The following FBXO34 variants were observed in gnomAD, a reference collection of about 807,000 sequenced individuals.
FBXO34 encodes the protein F-box protein 34, also known as F-box only protein 34.
Under a neutral mutation model 24.5 loss-of-function variants are expected in FBXO34, and 12 were observed. The ratio of observed to expected loss-of-function variants is 0.49; its 90% CI spans 0.31 to 0.79. The LOEUF (loss-of-function observed/expected upper bound fraction) is 0.79. Ranked by LOEUF, FBXO34 falls within the 30% of genes least tolerant of loss-of-function variation. The pLI is 0.04. For synonymous variants in FBXO34, 320 were observed against 311.9 expected (o/e 1.03, Z -0.27); for missense variants, 823 against 857.7 (o/e 0.96, Z 0.51).
chr14:55,373,586 A>C (rs1399711797), downstream of FBXO34, among the ~76,000 whole-genome samples: 1 of 152,026 alleles, frequency 6.6e-6, no homozygotes, highest in East Asian at 1.9e-4. Flanking sequence ...CAGCCTCCCA[A>C]GTAGCTGGGG....
intron 1 of FBXO34, among the ~76,000 whole-genome samples, chr14:55,315,130 G>C (rs987760981): frequency 2.0e-5 from 3 of 152,198 alleles, no homozygotes; most frequent in African/African-American, 7.2e-5. Context: ...GACACATTAA[G>C]ACTGAAAGTG....
At chr14:55,331,496 ATAT>A (rs1355170664) in intron 1 of FBXO34, among the ~76,000 whole-genome samples, 1 of 150,348 alleles carries the variant, frequency 6.7e-6, no homozygotes, top group African/African-American at 2.4e-5. Flanking sequence ...TAACACCTCA[ATAT>A]TATTTTGATA....
At chr14:55,416,088 A>C in the FBXO34 span, among the ~76,000 whole-genome samples, 346 of 152,170 alleles carry the variant, frequency 2.3e-3, 2 homozygotes, top group African/African-American at 7.7e-3. Context: ...AAGTGAGGAG[A>C]GGGGAATGGG....
rs375478249 is a variant in FBXO34 at position 55,339,385 on chromosome 14, C to CG, written c.-10-10996_-10-10995insG. 1.1e-4 allele frequency: 16 copies of CG among 145,524 alleles called. 1 individual carries two copies. The highest frequency in any genetic ancestry group is 3.6e-4 in the African/African-American group (14 of 39,158). 9.0% of individuals were successfully genotyped at this position (145,524 alleles called of 1,614,324 possible). ...CTGCTCCTTTAATCACCTGCCCCCCCCCCCAATCCTGGATCTATGCTAACC... is the reference window on the plus strand; with the variant it reads ...CTGCTCCTTTAATCACCTGCCCCCCCGCCCCAATCCTGGATCTATGCTAACC... On this transcript the variant is annotated intron_variant, in intron 1 of 1. Coordinates refer to ENST00000313833, the MANE Select transcript of FBXO34 (RefSeq NM_017943.4).
intron 3 of FBXO34, among the ~76,000 whole-genome samples, chr14:55,358,824 A>ACCTATTAAACCTAT (rs1287654663): frequency 6.6e-6 from 1 of 152,126 alleles, no homozygotes; most frequent in African/African-American, 2.4e-5. Context: ...GACCTATTAA[A>ACCTATTAAACCTAT]TCAACCACTG....
chr14:55,395,233 T>C, the FBXO34 span: 1 of 362,766 alleles, frequency 2.8e-6, no homozygotes. Flanking sequence ...CTCTTGGGCA[T>C]CCTGGCTGCA....
the FBXO34 span, chr14:55,411,855 T>G: frequency 1.3e-6 from 2 of 1,547,778 alleles, no homozygotes; most frequent in South Asian, 1.2e-5. Context: ...TCACGTGGGA[T>G]TTTGTTTTCA....
At chr14:55,391,097 T>A in the FBXO34 span, 2 of 741,160 alleles carry the variant, frequency 2.7e-6, no homozygotes, top group East Asian at 2.9e-5. Flanking sequence ...GAAAACATAA[T>A]GAAGAAAAAG....
chr14:55,346,014 G>A (rs772815862), intron 1 of FBXO34, among the ~76,000 whole-genome samples: 8 of 152,170 alleles, frequency 5.3e-5, no homozygotes, highest in South Asian at 4.2e-4. Flanking sequence ...CAGAAAGAAC[G>A]AAATTAAATA....
the FBXO34 span, among the ~76,000 whole-genome samples, chr14:55,402,927 ATATATATAT>A: frequency 2.2e-4 from 2 of 8,916 alleles, no homozygotes; most frequent in Non-Finnish European, 3.8e-4. Context: ...AAAAAAAAAA[ATATATATAT>A]ATATATATAT....
chr14:55,350,217 G>C (rs1884300565), intron 1 of FBXO34, among the ~76,000 whole-genome samples, 164 bp from the exon 2 acceptor site: 1 of 150,764 alleles, frequency 6.6e-6, no homozygotes, highest in Non-Finnish European at 1.5e-5. Flanking sequence ...TGTTATTCTT[G>C]ATATGTGCAG....
At chr14:55,396,388 TAA>T in the FBXO34 span, among the ~76,000 whole-genome samples, 7 of 152,288 alleles carry the variant, frequency 4.6e-5, no homozygotes, top group East Asian at 7.7e-4. Flanking sequence ...ATGGGAAAAA[TAA>T]AGTTTTTGTG....
intron 1 of FBXO34, among the ~76,000 whole-genome samples, chr14:55,340,185 C>T (rs1047259220): frequency 2.0e-5 from 3 of 152,138 alleles, no homozygotes; most frequent in Non-Finnish European, 2.9e-5. Context: ...GCCACTGTGC[C>T]TGGCTTGCAA....
intron 1 of FBXO34, among the ~76,000 whole-genome samples, chr14:55,312,451 C>T (rs993472552): frequency 2.0e-5 from 3 of 152,180 alleles, no homozygotes; most frequent in Admixed American, 2.0e-4. Context: ...GCCCTCTTCT[C>T]ACAGCTCAAC....
intron 3 of FBXO34, among the ~76,000 whole-genome samples, chr14:55,361,131 C>T (rs1325490745): frequency 6.6e-6 from 1 of 152,204 alleles, no homozygotes; most frequent in African/African-American, 2.4e-5. Context: ...AATCACTATC[C>T]ATAGCAGCTG....
chr14:55,372,468 G>GCTAA (rs1566576837), downstream of FBXO34, among the ~76,000 whole-genome samples: 2 of 152,104 alleles, frequency 1.3e-5, no homozygotes, highest in East Asian at 3.9e-4. Flanking sequence ...TGACTGCCAG[G>GCTAA]CTAAGTCTCT....
chr14:55,408,896 A>T, the FBXO34 span, among the ~76,000 whole-genome samples: 1 of 152,240 alleles, frequency 6.6e-6, no homozygotes, highest in African/African-American at 2.4e-5. Context: ...GGCAAACAGT[A>T]GCCAAATCAC....
At chr14:55,289,375 T>C (rs943343866) in intron 1 of FBXO34, among the ~76,000 whole-genome samples, 2 of 152,208 alleles carry the variant, frequency 1.3e-5, no homozygotes, top group South Asian at 2.1e-4. Context: ...TTGAATAATA[T>C]GTTCACATGC....
At chr14:55,386,165 C>T in the FBXO34 span, 12 of 1,294,916 alleles carry the variant, frequency 9.3e-6, no homozygotes, top group South Asian at 1.7e-4. Context: ...GAGCTCCACC[C>T]CACAAACATG....
Sources: allele counts gnomAD v4.1 joint callset (sites outside exome capture counted in the v4.1 genomes callset), GRCh38; gene constraint gnomAD v4.1.1; transcripts MANE v1.5; gene names NCBI Gene and HGNC (gene_info 2026-07-23, HGNC 2026-07-21).